The following CDKAL1 variants were observed in gnomAD, a reference collection of about 807,000 sequenced individuals.
The protein encoded by CDKAL1 is CDKAL1 threonylcarbamoyladenosine tRNA methylthiotransferase.
A neutral mutation model predicts 68.2 loss-of-function variants in CDKAL1; 32 were observed. The observed-to-expected ratio is 0.47, with a 90% CI of 0.35 to 0.63. CDKAL1 has a LOEUF of 0.63. Among genes scored for constraint, CDKAL1 ranks in the 30% least tolerant of loss-of-function variants. CDKAL1 has a pLI of 0.00. For synonymous variants in CDKAL1, 234 were observed against 244.3 expected, an observed-to-expected ratio of 0.96 and a Z score of 0.39; for missense variants, 606 against 696.7, an observed-to-expected ratio of 0.87 and a Z score of 1.47.
intron 8 of CDKAL1, among the ~76,000 whole-genome samples, chr6:20,834,464 C>G (rs372935237): frequency 1.3e-4 from 20 of 152,312 alleles, no homozygotes; most frequent in Non-Finnish European, 2.5e-4. Context: ...TCTGTTTTCA[C>G]GAACCTAAGC....
chr6:20,681,751 A>C (rs1195545287), intron 5 of CDKAL1, among the ~76,000 whole-genome samples: 1 of 152,150 alleles, frequency 6.6e-6, no homozygotes, highest in Non-Finnish European at 1.5e-5. Context: ...AGATGGGTGC[A>C]TGGAAGGCCT....
chr6:21,211,432 T>G (rs1191034194), intron 15 of CDKAL1, among the ~76,000 whole-genome samples: 1 of 152,216 alleles, frequency 6.6e-6, no homozygotes, highest in Non-Finnish European at 1.5e-5. Flanking sequence ...AACAGAGGTT[T>G]ATTTCCTGCT....
intron 12 of CDKAL1, among the ~76,000 whole-genome samples, chr6:21,078,431 A>G (rs1772196067): frequency 6.6e-6 from 1 of 152,194 alleles, no homozygotes; most frequent in Admixed American, 6.5e-5. Context: ...CCATGATTAT[A>G]TGTCAGATGT....
intron 9 of CDKAL1, among the ~76,000 whole-genome samples, chr6:20,905,815 A>C (rs1762206067): frequency 6.6e-6 from 1 of 152,196 alleles, no homozygotes; most frequent in Non-Finnish European, 1.5e-5. Flanking sequence ...AAACAACACA[A>C]AACAAACCCA....
intron 15 of CDKAL1, among the ~76,000 whole-genome samples, chr6:21,221,923 G>A (rs905616222): frequency 2.6e-5 from 4 of 152,132 alleles, no homozygotes; most frequent in African/African-American, 7.2e-5. Context: ...TTTTTGATAC[G>A]ATTATCTCTG....
intron 4 of CDKAL1, among the ~76,000 whole-genome samples, chr6:20,630,510 T>A (rs1254914157): frequency 1.3e-5 from 2 of 152,164 alleles, no homozygotes; most frequent in Non-Finnish European, 2.9e-5. Flanking sequence ...CCTTTTTTTT[T>A]TTCTACCTTT....
intron 13 of CDKAL1, among the ~76,000 whole-genome samples, chr6:21,125,434 A>G (rs1774952320): frequency 6.6e-6 from 1 of 152,142 alleles, no homozygotes; most frequent in Non-Finnish European, 1.5e-5. Flanking sequence ...GCACTTTGGG[A>G]GGCCAAGGCG....
chr6:21,054,093 A>G (rs1449700892), intron 11 of CDKAL1, among the ~76,000 whole-genome samples: 1 of 152,186 alleles, frequency 6.6e-6, no homozygotes, highest in African/African-American at 2.4e-5. Flanking sequence ...TGTATCTGAC[A>G]TTCAGACTGT....
At chr6:20,990,313 A>T (rs1190453310) in intron 10 of CDKAL1, among the ~76,000 whole-genome samples, 1 of 152,192 alleles carries the variant, frequency 6.6e-6, no homozygotes, top group African/African-American at 2.4e-5. Flanking sequence ...TTGTGTGTGT[A>T]ATTATAACTG....
At chr6:20,759,018 A>T (rs993781107) in intron 7 of CDKAL1, among the ~76,000 whole-genome samples, 4 of 152,104 alleles carry the variant, frequency 2.6e-5, no homozygotes, top group African/African-American at 9.7e-5. Context: ...GTGCACCTGT[A>T]GTCCCAGCTA....
At chr6:20,823,782 C>T (rs936974637) in intron 8 of CDKAL1, among the ~76,000 whole-genome samples, 2 of 152,146 alleles carry the variant, frequency 1.3e-5, no homozygotes, top group African/African-American at 4.8e-5. Context: ...TAGGATTTGA[C>T]ATTTTCAGCG....
At chr6:21,218,124 G>C (rs1779408409) in intron 15 of CDKAL1, among the ~76,000 whole-genome samples, 2 of 152,158 alleles carry the variant, frequency 1.3e-5, no homozygotes, top group South Asian at 4.1e-4. Flanking sequence ...AGTTTTTCTA[G>C]TTTTTCCTTA....
At chr6:21,091,857 C>CCTTTTTTT (rs1773024394) in intron 12 of CDKAL1, among the ~76,000 whole-genome samples, 4 of 70,538 alleles carry the variant, frequency 5.7e-5, no homozygotes, top group Non-Finnish European at 1.0e-4. Flanking sequence ...TCAGAACTTT[C>CCTTTTTTT]TTTTTTTTTT....
chr6:21,190,689 C>T (rs996099680), intron 13 of CDKAL1, among the ~76,000 whole-genome samples: 1 of 152,122 alleles, frequency 6.6e-6, no homozygotes, highest in African/African-American at 2.4e-5. Flanking sequence ...TAATCTTTGC[C>T]TTAGGAAGAG....
chr6:20,584,909 G>A (rs4712507), intron 4 of CDKAL1, among the ~76,000 whole-genome samples: 56,080 of 151,966 alleles, frequency 0.37, 10,720 homozygotes, highest in East Asian at 0.54. Flanking sequence ...GGCCAGCTCC[G>A]TTACTTGTAT....
intron 5 of CDKAL1, chr6:20,723,683 A>G (rs1562054584): frequency 6.4e-6 from 1 of 156,028 alleles, no homozygotes; most frequent in Non-Finnish European, 1.4e-5. Context: ...TGGAACAGAA[A>G]GAAAAATGAG....
intron 2 of CDKAL1, among the ~76,000 whole-genome samples, chr6:20,541,907 G>A (rs1355856185): frequency 2.0e-5 from 3 of 152,196 alleles, no homozygotes; most frequent in Admixed American, 2.0e-4. Context: ...TGATCTGTCC[G>A]CCTTGGCCTC....
chr6:20,708,257 G>A (rs149836600), intron 5 of CDKAL1, among the ~76,000 whole-genome samples: 2 of 152,168 alleles, frequency 1.3e-5, no homozygotes, highest in African/African-American at 2.4e-5. Flanking sequence ...TTAATAGTAC[G>A]GAAAGAAATT....
intron 7 of CDKAL1, among the ~76,000 whole-genome samples, chr6:20,758,883 C>A (rs966699052): frequency 2.6e-5 from 4 of 152,120 alleles, no homozygotes; most frequent in African/African-American, 9.7e-5. Context: ...TCCTGTAACC[C>A]CAGCAGTTGG....
Sources: allele counts gnomAD v4.1 joint callset (sites outside exome capture counted in the v4.1 genomes callset), GRCh38; gene constraint gnomAD v4.1.1; transcripts MANE v1.5; gene names NCBI Gene and HGNC (gene_info 2026-07-23, HGNC 2026-07-21).